The following XRCC6 variants were observed in gnomAD, a reference collection of about 807,000 sequenced individuals.
The protein encoded by XRCC6 is X-ray repair cross complementing 6, also known as DNA repair protein Ku70.
In XRCC6, 5 loss-of-function variants were observed where a neutral mutation model predicts 65.7. The observed-to-expected ratio is 0.08, with a 90% CI of 0.04 to 0.16. XRCC6 has a LOEUF of 0.16. XRCC6 is among the 10% of genes least tolerant of loss of function. The probability of loss-of-function intolerance (pLI) is 1.00; values close to 1 mark genes in which losing one functional copy is unlikely to be tolerated. For missense variants in XRCC6, 447 were observed against 738.1 expected (o/e 0.61, Z 4.57); for synonymous variants, 270 against 270.6 (o/e 1.00, Z 0.02).
chr22:41,648,024 C>CT, intron 7 of XRCC6: 1 of 15,856 alleles, frequency 6.3e-5, no homozygotes, highest in Non-Finnish European at 1.4e-4. Context: ...CCGACTCCCT[C>CT]CCCTCCCCTC....
chr22:41,626,882 C>T (rs981027969), intron 2 of XRCC6, among the ~76,000 whole-genome samples: 1 of 151,964 alleles, frequency 6.6e-6, no homozygotes, highest in East Asian at 1.9e-4. Context: ...CCTCGTGATC[C>T]GCGCGCCTCG....
intron 3 of XRCC6, among the ~76,000 whole-genome samples, chr22:41,630,176 G>T (rs958213597): frequency 6.6e-6 from 1 of 151,658 alleles, no homozygotes; most frequent in Non-Finnish European, 1.5e-5. Context: ...TAGAGATGGG[G>T]TTTCACCATA....
chr22:41,632,484 G>T (rs867581296), intron 3 of XRCC6, among the ~76,000 whole-genome samples: 5 of 152,026 alleles, frequency 3.3e-5, no homozygotes, highest in Admixed American at 1.3e-4. Context: ...GGTAGTGCAG[G>T]CCTGTAGTTG....
Position 41,650,861 on chromosome 22 carries a change from T to C in XRCC6, c.1099T>C (p.Phe367Leu). ...ACACCATTACCTGAGGCCCTCCCTG[T>C]TCGTGTACCCAGAGGAGTCGCTGGT... ...KKHHYLRPSL[F>L]VYPEESLVIG... Residue 367 changes from phenylalanine (F) to leucine (L), a missense_variant, in exon 8 of 13, where the codon TTC becomes CTC. Around this residue, in one of 4 missense-constraint regions of XRCC6, gnomAD observed 201 missense variants for 374.1 expected, o/e 0.54. Coordinates refer to ENST00000360079, the MANE Select transcript of XRCC6 (RefSeq NM_001469.5). The C allele has an allele frequency of 6.2e-7, 1 of 1,614,150 alleles. No individual in the cohort carries two copies. The highest frequency in any genetic ancestry group is 8.5e-7 in the Non-Finnish European group (1 of 1,180,008).
At chr22:41,663,006 G>A (rs778936974) in intron 12 of XRCC6, among the ~76,000 whole-genome samples, 3 of 152,008 alleles carry the variant, frequency 2.0e-5, no homozygotes, top group Non-Finnish European at 4.4e-5. Flanking sequence ...CCTTGAACCC[G>A]GGAGGCAGAG....
At chr22:41,624,247 C>G (rs2067643838) in intron 2 of XRCC6, among the ~76,000 whole-genome samples, 1 of 151,962 alleles carries the variant, frequency 6.6e-6, no homozygotes, top group African/African-American at 2.4e-5. Flanking sequence ...TTAGCTGAGT[C>G]TGTGGTGGCA....
chr22:41,623,397 C>T (rs1034415773), intron 2 of XRCC6, among the ~76,000 whole-genome samples: 3 of 150,726 alleles, frequency 2.0e-5, no homozygotes, highest in South Asian at 2.1e-4. Flanking sequence ...ATTTCTTTTT[C>T]TTTTTTTTTG....
At chr22:41,640,083 A>G (rs28384738) in intron 6 of XRCC6, among the ~76,000 whole-genome samples, 10,710 of 151,946 alleles carry the variant, frequency 0.07, 911 homozygotes, top group African/African-American at 0.2. Context: ...AGGCTGGAGT[A>G]CAATGGCACC....
At chr22:41,634,701 C>T (rs1041115802) in intron 3 of XRCC6, among the ~76,000 whole-genome samples, 3 of 152,138 alleles carry the variant, frequency 2.0e-5, no homozygotes, top group Non-Finnish European at 4.4e-5. Flanking sequence ...CGTGCTACCA[C>T]ATCCAACTAA....
intron 6 of XRCC6, among the ~76,000 whole-genome samples, chr22:41,643,022 C>T (rs1215438529): frequency 6.6e-6 from 1 of 152,248 alleles, no homozygotes; most frequent in African/African-American, 2.4e-5. Flanking sequence ...TCGAACTATA[C>T]AGACACTTGT....
intron 7 of XRCC6, among the ~76,000 whole-genome samples, chr22:41,648,769 A>G (rs1601548310): frequency 6.6e-6 from 1 of 152,164 alleles, no homozygotes; most frequent in Non-Finnish European, 1.5e-5. Context: ...GAAAAAGATA[A>G]GGAATTTTCT....
chr22:41,659,712 C>T (rs530213910), intron 11 of XRCC6, among the ~76,000 whole-genome samples: 81 of 152,228 alleles, frequency 5.3e-4, no homozygotes, highest in Non-Finnish European at 1.0e-3. Context: ...GAGACAGGTT[C>T]TCACTCTTGT....
At position 41,641,147 on chromosome 22, in the gene XRCC6, C is replaced by T. The variant is rs145007678; in HGVS notation, c.773+3356C>T. On this transcript the variant is annotated intron_variant, in intron 6 of 12. Transcript: ENST00000360079. ...TGAGCATTAAATGAGATAACCTAGGCATAGTGCTTGGCCCGTGGTAATTAT... is the reference window on the plus strand; with the variant it reads ...TGAGCATTAAATGAGATAACCTAGGTATAGTGCTTGGCCCGTGGTAATTAT... Among the ~76,000 whole-genome samples, 12 of 152,108 alleles carry T rather than the reference C, an allele frequency of 7.9e-5. No homozygotes were observed. In the East Asian group the frequency reaches 1.5e-3, roughly 20 times the overall value.
At chr22:41,644,439 T>A (rs2147096459) in intron 6 of XRCC6, among the ~76,000 whole-genome samples, 1 of 152,316 alleles carries the variant, frequency 6.6e-6, no homozygotes. Flanking sequence ...AATATAAGAA[T>A]TTTTTGCATA....
chr22:41,632,669 A>T (rs1044581918), intron 3 of XRCC6, among the ~76,000 whole-genome samples: 2 of 151,862 alleles, frequency 1.3e-5, no homozygotes, highest in African/African-American at 2.4e-5. Flanking sequence ...ACCAAAAAAA[A>T]AGAATAAGCT....
intron 6 of XRCC6, among the ~76,000 whole-genome samples, chr22:41,643,854 A>T (rs1430261689): frequency 7.4e-6 from 1 of 134,680 alleles, no homozygotes; most frequent in South Asian, 2.6e-4. Context: ...GCGCAGTGGC[A>T]TGTGCTTGTA....
Position 41,637,808 on chromosome 22 carries a change from G to T in XRCC6, c.773+17G>T. 2 of 1,611,274 alleles carry T rather than the reference G, an allele frequency of 1.2e-6. No homozygotes were observed. Among genetic ancestry groups the T allele is most frequent in the Non-Finnish European group, 1.7e-6 (2 of 1,178,750 alleles). On this transcript the variant is annotated intron_variant, in intron 6 of 12. Transcript: ENST00000360079. ...ACTCAGCAGGTGTGCACTCAGCCCG[G>T]GTCAGCTGCCTACACTGCCCTTAAA...
rs2067937781 is a variant in XRCC6 at position 41,646,918 on chromosome 22, G to A, written c.796G>A (p.Asp266Asn). Residue 266 changes from aspartate (D) to asparagine (N), a missense_variant, in exon 7 of 13, where the codon GAT (aspartate) becomes AAT (asparagine). By Grantham distance (23) the Asp-to-Asn change is conservative. Coordinates refer to ENST00000360079, the MANE Select transcript of XRCC6 (RefSeq NM_001469.5). ...CAGGTTAAAGCTGAAGCTCAACAAA[G>A]ATATAGTGATCTCTGTGGGCATTTA... ...LSRLKLKLNK[D>N]IVISVGIYNL... 1.2e-6 allele frequency: 2 copies of A among 1,612,318 alleles called. No homozygotes were observed. The highest frequency in any genetic ancestry group is 2.7e-5 in the African/African-American group (2 of 74,894).
At position 41,663,829 on chromosome 22, in the gene XRCC6, G is replaced by C; in HGVS notation, c.*14G>C. On this transcript the variant is annotated 3_prime_UTR_variant, in exon 13 of 13. Coordinates refer to ENST00000360079, the MANE Select transcript of XRCC6 (RefSeq NM_001469.5). The stretch of plus-strand genomic sequence containing the variant: ...TTCCAGGACTGACCAGAGGCCGCGC[G>C]TCCAGCTGCCCTTCCGCAGTGTGGC... 7 of 1,606,078 alleles carry C rather than the reference G, an allele frequency of 4.4e-6. No homozygotes were observed. The highest frequency in any genetic ancestry group is 6.0e-6 in the Non-Finnish European group (7 of 1,174,684).
Sources: gnomAD v4.1 joint callset for allele counts (sites outside exome capture counted in the v4.1 genomes callset) on GRCh38, gnomAD v4.1.1 for gene constraint, gnomAD v4.1.1 regional missense constraint, MANE v1.5 for transcripts, NCBI Gene and HGNC (gene_info 2026-07-23, HGNC 2026-07-21) for gene names.